Variants in PTPRD observed in about 807,000 individuals in gnomAD.
PTPRD encodes receptor-type tyrosine-protein phosphatase delta.
Under a neutral mutation model 214.5 loss-of-function variants are expected in PTPRD, and 34 were observed. That is an observed-to-expected ratio of 0.16 (90% CI 0.12 to 0.21). The LOEUF (loss-of-function observed/expected upper bound fraction) is 0.21, where lower values mean the gene tolerates loss of function less well. Among genes scored for constraint, PTPRD ranks in the 10% least tolerant of loss-of-function variants. The pLI, the probability that PTPRD is intolerant of heterozygous loss-of-function variation, is 1.00. For missense variants in PTPRD, 2,545 were observed against 2,398.7 expected, an observed-to-expected ratio of 1.06 and a Z score of -1.27; for synonymous variants, 1,128 against 845.7, an observed-to-expected ratio of 1.33 and a Z score of -5.79.
intron 2 of PTPRD, among the ~76,000 whole-genome samples, chr9:10,504,877 T>G (rs1199013236): frequency 1.3e-5 from 2 of 152,192 alleles, no homozygotes; most frequent in Non-Finnish European, 2.9e-5. Context: ...AGGAGATGGA[T>G]GTGCACCTGT....
At chr9:8,975,035 T>C (rs1487846012) in intron 11 of PTPRD, among the ~76,000 whole-genome samples, 1 of 146,256 alleles carries the variant, frequency 6.8e-6, no homozygotes, top group Non-Finnish European at 1.5e-5. Context: ...AAGTGGAGAT[T>C]GCAGTGAGCC....
intron 5 of PTPRD, among the ~76,000 whole-genome samples, chr9:9,784,127 A>G (rs1342672120): frequency 6.6e-6 from 1 of 152,150 alleles, no homozygotes; most frequent in Non-Finnish European, 1.5e-5. Flanking sequence ...AAGCAAAGCC[A>G]TATTTGCTGT....
chr9:9,466,812 G>T (rs2094195233), intron 8 of PTPRD, among the ~76,000 whole-genome samples: 1 of 151,988 alleles, frequency 6.6e-6, no homozygotes. Context: ...GCTACAATTT[G>T]TGATGTGTTG....
At chr9:9,488,828 C>T (rs193182541) in intron 8 of PTPRD, among the ~76,000 whole-genome samples, 5 of 152,272 alleles carry the variant, frequency 3.3e-5, no homozygotes, top group South Asian at 2.1e-4. Context: ...AGCCACACTG[C>T]AAGCAGCTGT....
At chr9:10,075,503 T>C (rs1590386374) in intron 3 of PTPRD, among the ~76,000 whole-genome samples, 1 of 152,086 alleles carries the variant, frequency 6.6e-6, no homozygotes, top group South Asian at 2.1e-4. Context: ...ATGAAATAAA[T>C]AATATTTTAT....
At chr9:9,351,729 G>T (rs572318823) in intron 9 of PTPRD, among the ~76,000 whole-genome samples, 1 of 152,164 alleles carries the variant, frequency 6.6e-6, no homozygotes, top group Admixed American at 6.6e-5. Context: ...ATATTCTCTA[G>T]TGTATGTCTG....
intron 8 of PTPRD, among the ~76,000 whole-genome samples, chr9:9,512,670 T>A (rs904682618): frequency 2.6e-5 from 4 of 151,926 alleles, no homozygotes; most frequent in Admixed American, 6.6e-5. Context: ...AAATTTTAAA[T>A]ATTAGGAGAT....
At chr9:10,065,732 G>C (rs535482511) in intron 3 of PTPRD, among the ~76,000 whole-genome samples, 1 of 151,886 alleles carries the variant, frequency 6.6e-6, no homozygotes, top group Non-Finnish European at 1.5e-5. Context: ...AACAAAGCAA[G>C]GTAGTAGCCC....
chr9:10,277,283 C>T (rs2094767347), intron 3 of PTPRD, among the ~76,000 whole-genome samples: 2 of 150,902 alleles, frequency 1.3e-5, no homozygotes, highest in African/African-American at 4.9e-5. Flanking sequence ...GAGTTATAAA[C>T]AAACTGAACA....
intron 3 of PTPRD, among the ~76,000 whole-genome samples, chr9:10,310,540 A>C (rs1324624973): frequency 6.6e-6 from 1 of 152,040 alleles, no homozygotes; most frequent in Non-Finnish European, 1.5e-5. Context: ...TTCTGTGACA[A>C]AAGAAAGGGA....
intron 2 of PTPRD, among the ~76,000 whole-genome samples, chr9:10,458,980 G>A (rs1306467397): frequency 2.0e-5 from 3 of 151,972 alleles, no homozygotes; most frequent in African/African-American, 4.8e-5. Context: ...CACACGTTCC[G>A]TGGTGGTTTG....
chr9:9,857,322 TC>T (rs2061740827), intron 5 of PTPRD, among the ~76,000 whole-genome samples: 1 of 152,174 alleles, frequency 6.6e-6, no homozygotes, highest in Admixed American at 6.5e-5. Flanking sequence ...TTCTGCTACT[TC>T]CAATTTGACT....
intron 11 of PTPRD, among the ~76,000 whole-genome samples, chr9:8,998,616 T>G (rs2099406078): frequency 6.6e-6 from 1 of 152,122 alleles, no homozygotes; most frequent in Non-Finnish European, 1.5e-5. Flanking sequence ...ACATTCATTT[T>G]CTAGCCTATG....
At chr9:9,219,903 T>C (rs2099954690) in intron 9 of PTPRD, among the ~76,000 whole-genome samples, 1 of 152,194 alleles carries the variant, frequency 6.6e-6, no homozygotes, top group South Asian at 2.1e-4. Context: ...AAAGGGAAGC[T>C]TTTTGTTCTT....
intron 5 of PTPRD, among the ~76,000 whole-genome samples, chr9:9,935,145 T>C (rs2088674779): frequency 2.0e-5 from 3 of 152,020 alleles, no homozygotes; most frequent in African/African-American, 7.3e-5. Flanking sequence ...ACTGGAAGCA[T>C]TCCCTTTGAA....
chr9:8,476,246 G>C (rs1043004261), intron 30 of PTPRD, among the ~76,000 whole-genome samples: 5 of 152,310 alleles, frequency 3.3e-5, no homozygotes, highest in East Asian at 1.9e-4. Flanking sequence ...TTCTCATAAA[G>C]AGCCGGCAAC....
At chr9:10,255,107 G>A (rs1231743615) in intron 3 of PTPRD, among the ~76,000 whole-genome samples, 1 of 152,182 alleles carries the variant, frequency 6.6e-6, no homozygotes, top group Non-Finnish European at 1.5e-5. Flanking sequence ...GCCAAGTATA[G>A]TACAGAGTGT....
intron 33 of PTPRD, among the ~76,000 whole-genome samples, chr9:8,458,965 G>C (rs994428745): frequency 6.6e-6 from 1 of 152,024 alleles, no homozygotes; most frequent in African/African-American, 2.4e-5. Context: ...TTATGGTTAT[G>C]AACTTCTTTC....
At chr9:9,872,634 G>C (rs1365936052) in intron 5 of PTPRD, among the ~76,000 whole-genome samples, 1 of 151,964 alleles carries the variant, frequency 6.6e-6, no homozygotes, top group East Asian at 1.9e-4. Flanking sequence ...AGATAACACA[G>C]CTTTACAAGG....
Sources: gnomAD v4.1 joint callset for allele counts (sites outside exome capture counted in the v4.1 genomes callset) on GRCh38, gnomAD v4.1.1 for gene constraint, MANE v1.5 for transcripts, NCBI Gene and HGNC (gene_info 2026-07-23, HGNC 2026-07-21) for gene names.